AFG2A: variants seen among roughly 807,000 people sequenced by gnomAD.
AFG2A encodes AAA ATPase AFG2A, also known as ATPase family gene 2 protein homolog A.
the AFG2A span, among the ~76,000 whole-genome samples, chr4:123,306,699 A>G: frequency 0.75 from 113,673 of 151,996 alleles, 43,199 homozygotes; most frequent in Non-Finnish European, 0.81. Flanking sequence ...GGGATTACAG[A>G]CATGCACCAC....
the AFG2A span, among the ~76,000 whole-genome samples, chr4:123,195,495 G>C: frequency 6.6e-6 from 1 of 151,984 alleles, no homozygotes; most frequent in East Asian, 1.9e-4. Flanking sequence ...AGAATACAAT[G>C]GTTGTAGAAA....
the AFG2A span, among the ~76,000 whole-genome samples, chr4:123,125,218 T>C: frequency 6.6e-6 from 1 of 152,220 alleles, no homozygotes; most frequent in Non-Finnish European, 1.5e-5. Context: ...ACATCTCCAG[T>C]AGAAATTTGA....
chr4:123,066,213 TGAG>T, the AFG2A span, among the ~76,000 whole-genome samples: 1 of 152,160 alleles, frequency 6.6e-6, no homozygotes, highest in African/African-American at 2.4e-5. Flanking sequence ...AATCAGGAAA[TGAG>T]GTACCCTCTT....
At chr4:122,988,885 T>C in the AFG2A span, among the ~76,000 whole-genome samples, 1 of 152,226 alleles carries the variant, frequency 6.6e-6, no homozygotes, top group Non-Finnish European at 1.5e-5. Context: ...CTGATTCTTC[T>C]GTTGTATTGT....
At chr4:123,288,432 G>A in the AFG2A span, among the ~76,000 whole-genome samples, 1 of 152,140 alleles carries the variant, frequency 6.6e-6, no homozygotes, top group African/African-American at 2.4e-5. Flanking sequence ...AAACAGGAAA[G>A]AAAGTTGAGT....
chr4:122,955,599 A>G, the AFG2A span, among the ~76,000 whole-genome samples: 1 of 152,198 alleles, frequency 6.6e-6, no homozygotes, highest in Non-Finnish European at 1.5e-5. Context: ...ATCTGGACTG[A>G]TATATGTAGG....
At chr4:123,255,938 C>A in the AFG2A span, 1 of 1,534,236 alleles carries the variant, frequency 6.5e-7, no homozygotes, top group Non-Finnish European at 8.9e-7. Context: ...AAATTCCAGA[C>A]ATCTTTCCCT....
the AFG2A span, among the ~76,000 whole-genome samples, chr4:123,301,818 A>G: frequency 2.0e-5 from 3 of 152,194 alleles, no homozygotes; most frequent in Admixed American, 6.5e-5. Flanking sequence ...AAATCTGCTG[A>G]TTAGCTCAGG....
the AFG2A span, among the ~76,000 whole-genome samples, chr4:122,989,021 G>A: frequency 6.6e-6 from 1 of 151,492 alleles, no homozygotes; most frequent in African/African-American, 2.4e-5. Flanking sequence ...TTCATGCATT[G>A]TTTTCCTGGA....
chr4:123,310,981 G>A, the AFG2A span, among the ~76,000 whole-genome samples: 3 of 152,180 alleles, frequency 2.0e-5, no homozygotes, highest in African/African-American at 2.4e-5. Context: ...AAGAAGTCAC[G>A]TTCATATTGA....
the AFG2A span, among the ~76,000 whole-genome samples, chr4:123,055,911 G>A: frequency 6.6e-6 from 1 of 152,186 alleles, no homozygotes; most frequent in African/African-American, 2.4e-5. Context: ...TGGTAAAAAA[G>A]AAAGTCTGCT....
At chr4:122,930,720 C>G in the AFG2A span, among the ~76,000 whole-genome samples, 1 of 152,144 alleles carries the variant, frequency 6.6e-6, no homozygotes, top group African/African-American at 2.4e-5. Flanking sequence ...TGAGATTAAA[C>G]TGGATTATTC....
chr4:123,084,636 A>G, the AFG2A span, among the ~76,000 whole-genome samples: 15 of 151,476 alleles, frequency 9.9e-5, no homozygotes, highest in African/African-American at 2.9e-4. Context: ...AAAGAGAGAG[A>G]GACAGAGACA....
At chr4:123,029,144 T>C in the AFG2A span, among the ~76,000 whole-genome samples, 1 of 152,234 alleles carries the variant, frequency 6.6e-6, no homozygotes, top group South Asian at 2.1e-4. Context: ...CATAACAGAA[T>C]GCATTTTCTT....
chr4:123,065,044 A>G, the AFG2A span, among the ~76,000 whole-genome samples: 1 of 152,174 alleles, frequency 6.6e-6, no homozygotes, highest in African/African-American at 2.4e-5. Flanking sequence ...GAATTTAGAT[A>G]TATTGACTAT....
the AFG2A span, among the ~76,000 whole-genome samples, chr4:122,993,446 G>C: frequency 2.6e-5 from 4 of 152,092 alleles, no homozygotes; most frequent in African/African-American, 9.7e-5. Context: ...TGGATAAACT[G>C]TAATTGGTTG....
At chr4:123,099,269 T>G in the AFG2A span, among the ~76,000 whole-genome samples, 10 of 151,992 alleles carry the variant, frequency 6.6e-5, no homozygotes, top group Non-Finnish European at 1.2e-4. Flanking sequence ...TTATCAGGTT[T>G]GGTTTACAAA....
the AFG2A span, among the ~76,000 whole-genome samples, chr4:122,934,899 G>T: frequency 6.6e-6 from 1 of 152,138 alleles, no homozygotes; most frequent in Non-Finnish European, 1.5e-5. Flanking sequence ...CAGTTAAATG[G>T]GCCATTTGCT....
the AFG2A span, among the ~76,000 whole-genome samples, chr4:123,202,826 A>G: frequency 2.6e-5 from 4 of 152,172 alleles, no homozygotes; most frequent in African/African-American, 9.7e-5. Context: ...TCCTCTGGCA[A>G]CCACTAGTCT....
Sources: allele counts gnomAD v4.1 joint callset (sites outside exome capture counted in the v4.1 genomes callset), GRCh38; gene constraint gnomAD v4.1.1; transcripts MANE v1.5; gene names NCBI Gene and HGNC (gene_info 2026-07-23, HGNC 2026-07-21).